The following MRTFB variants were observed in gnomAD, a reference collection of about 807,000 sequenced individuals.
The protein encoded by MRTFB is myocardin related transcription factor B.
Under a neutral mutation model 104.2 loss-of-function variants are expected in MRTFB, and 29 were observed. The observed-to-expected ratio is 0.28, with a 90% CI of 0.21 to 0.38. The LOEUF is 0.38. MRTFB is among the 10% of genes least tolerant of loss of function. MRTFB has a pLI of 1.00. For synonymous variants in MRTFB, 535 were observed against 519.5 expected, an observed-to-expected ratio of 1.03 and a Z score of -0.41; for missense variants, 1,270 against 1,341.6, an observed-to-expected ratio of 0.95 and a Z score of 0.83.
At chr16:14,158,992 A>C (rs1185582810) in intron 3 of MRTFB, among the ~76,000 whole-genome samples, 2 of 151,626 alleles carry the variant, frequency 1.3e-5, no homozygotes, top group South Asian at 2.1e-4. Flanking sequence ...AAAAAAAAAA[A>C]AACTTAGGTG....
the MRTFB span, among the ~76,000 whole-genome samples, chr16:14,016,709 G>T: frequency 6.8e-6 from 1 of 146,928 alleles, no homozygotes; most frequent in South Asian, 2.2e-4. Context: ...GGAGGCGGAG[G>T]TTGCGGCGAG....
intron 8 of MRTFB, among the ~76,000 whole-genome samples, chr16:14,231,915 TCAA>T (rs1375910494): frequency 6.6e-6 from 1 of 152,106 alleles, no homozygotes; most frequent in Non-Finnish European, 1.5e-5. Flanking sequence ...TTAGGTAGAG[TCAA>T]CAATCACTGT....
intron 9 of MRTFB, among the ~76,000 whole-genome samples, chr16:14,238,385 G>GAGGAACATGTAAAGGTTGTAAC (rs1447902842): frequency 1.3e-5 from 2 of 152,234 alleles, no homozygotes; most frequent in East Asian, 3.9e-4. Flanking sequence ...GGAGGGAAGT[G>GAGGAACATGTAAAGGTTGTAAC]AGGAACATGT....
At chr16:14,081,576 G>A (rs1192565290) in intron 2 of MRTFB, among the ~76,000 whole-genome samples, 1 of 146,352 alleles carries the variant, frequency 6.8e-6, no homozygotes, top group Non-Finnish European at 1.5e-5. Flanking sequence ...TCAGGCATGA[G>A]CCACTGCACC....
chr16:14,124,838 T>A (rs1345763046), intron 2 of MRTFB, among the ~76,000 whole-genome samples: 1 of 152,190 alleles, frequency 6.6e-6, no homozygotes, highest in Non-Finnish European at 1.5e-5. Flanking sequence ...GGAAGGAATG[T>A]GTATTAACAT....
At chr16:14,242,975 A>G (rs1282978822) in intron 10 of MRTFB, among the ~76,000 whole-genome samples, 1 of 152,170 alleles carries the variant, frequency 6.6e-6, no homozygotes, top group African/African-American at 2.4e-5. Flanking sequence ...TACGTAATAA[A>G]GCACAGACTT....
chr16:14,211,767 A>G (rs2041198417), intron 4 of MRTFB, among the ~76,000 whole-genome samples: 1 of 152,100 alleles, frequency 6.6e-6, no homozygotes, highest in Non-Finnish European at 1.5e-5. Context: ...TTCAAATTCA[A>G]AATTCTAGAT....
chr16:14,051,883 A>G, the MRTFB span, among the ~76,000 whole-genome samples: 2 of 151,968 alleles, frequency 1.3e-5, no homozygotes, highest in Non-Finnish European at 2.9e-5. Context: ...GATCAGAACA[A>G]TTCATTTCTT....
chr16:14,227,682 T>C (rs1422562842), intron 8 of MRTFB, among the ~76,000 whole-genome samples: 2 of 152,116 alleles, frequency 1.3e-5, no homozygotes, highest in African/African-American at 2.4e-5. Context: ...CAGCTAATTT[T>C]TGTATTTTTA....
the MRTFB span, among the ~76,000 whole-genome samples, chr16:14,055,926 T>G: frequency 6.6e-6 from 1 of 152,192 alleles, no homozygotes; most frequent in Non-Finnish European, 1.5e-5. Context: ...TACTGTGGTG[T>G]TCTAATGGTG....
intron 2 of MRTFB, among the ~76,000 whole-genome samples, chr16:14,126,746 GT>G (rs2037129904): frequency 6.6e-6 from 1 of 152,148 alleles, no homozygotes; most frequent in African/African-American, 2.4e-5. Flanking sequence ...GGCTTTGAAA[GT>G]TTAAGTAACT....
At chr16:14,004,662 T>C in the MRTFB span, among the ~76,000 whole-genome samples, 4 of 152,038 alleles carry the variant, frequency 2.6e-5, no homozygotes, top group South Asian at 8.3e-4. Context: ...ACTGCAACCT[T>C]CCCAAAACAA....
At chr16:14,071,503 C>T (rs988487997) in intron 1 of MRTFB, 138 bp downstream of exon 1, 1 of 151,820 alleles carries the variant, frequency 6.6e-6, no homozygotes, top group Non-Finnish European at 1.5e-5. Flanking sequence ...GCAGCAGCTG[C>T]GGCGCCGTTT....
chr16:14,214,288 C>T (rs145159518), intron 6 of MRTFB, among the ~76,000 whole-genome samples: 69 of 152,250 alleles, frequency 4.5e-4, no homozygotes, highest in African/African-American at 1.5e-3. Flanking sequence ...GCTTCTCCAA[C>T]GAATTTATTA....
At chr16:14,007,288 C>T in the MRTFB span, among the ~76,000 whole-genome samples, 1 of 152,152 alleles carries the variant, frequency 6.6e-6, no homozygotes, top group Non-Finnish European at 1.5e-5. Flanking sequence ...CTATTCTAGA[C>T]GTTCCATATA....
At chr16:14,131,789 AGAG>A (rs1028682079) in intron 2 of MRTFB, among the ~76,000 whole-genome samples, 8 of 149,096 alleles carry the variant, frequency 5.4e-5, no homozygotes, top group South Asian at 2.1e-4. Context: ...AAAAAAAAAA[AGAG>A]AGAATGTGGA....
intron 2 of MRTFB, among the ~76,000 whole-genome samples, chr16:14,106,526 G>A (rs916269949): frequency 6.6e-6 from 1 of 152,206 alleles, no homozygotes; most frequent in African/African-American, 2.4e-5. Context: ...AACTATGTGA[G>A]TGAGTTATTT....
At chr16:14,221,784 T>C (rs1453626049) in intron 8 of MRTFB, among the ~76,000 whole-genome samples, 1 of 144,058 alleles carries the variant, frequency 6.9e-6, no homozygotes, top group Non-Finnish European at 1.5e-5. Flanking sequence ...TTTCCTTTTT[T>C]TTTTTTTTTT....
rs756298765 is a variant in MRTFB, at chr16:14,218,858, T to G, written c.553T>G (p.Phe185Val). 6.2e-7 allele frequency: 1 copy of G among 1,613,342 alleles called. No homozygotes were observed. Among genetic ancestry groups the G allele is most frequent in the Admixed American group, 1.7e-5 (1 of 59,948 alleles). The stretch of plus-strand genomic sequence containing the variant: ...GGACTATCCCCACACTCAGGGCGAT[T>G]TCTCATTTGATGAAGACAGCAGTGA... Reference protein sequence around the residue: ...KEDYPHTQGDFSFDEDSSDAL... With the variant: ...KEDYPHTQGDVSFDEDSSDAL... The change falls in exon 8 of 17, where the codon TTC becomes GTC. Residue 185 changes from phenylalanine (F) to valine (V), a missense_variant. Around this residue, in one of 3 missense-constraint regions of MRTFB, gnomAD observed 1,144 missense variants for 1,131.5 expected, o/e 1.01. Coordinates refer to ENST00000571589, the MANE Select transcript of MRTFB (RefSeq NM_001308142.2).
Sources: gnomAD v4.1 joint callset for allele counts (sites outside exome capture counted in the v4.1 genomes callset) on GRCh38, gnomAD v4.1.1 for gene constraint, gnomAD v4.1.1 regional missense constraint, MANE v1.5 for transcripts, NCBI Gene and HGNC (gene_info 2026-07-23, HGNC 2026-07-21) for gene names.